The following CENPS variants were observed in gnomAD, a reference collection of about 807,000 sequenced individuals.
CENPS encodes the protein FANCM associated histone fold protein 1.
CENPS carries 16 observed loss-of-function variants against 17.9 expected under a neutral mutation model. The ratio of observed to expected loss-of-function variants is 0.90; its 90% CI spans 0.61 to 1.36. CENPS has a LOEUF of 1.36. Among genes scored for constraint, CENPS ranks in the 40% most tolerant of loss-of-function variants. CENPS has a pLI of 0.00. For synonymous variants in CENPS, 49 were observed against 55.8 expected (o/e 0.88, Z 0.54); for missense variants, 160 against 158.6 (o/e 1.01, Z -0.05).
chr1:10,435,088 G>A (rs1284198766), intron 3 of CENPS, among the ~76,000 whole-genome samples: 1 of 152,186 alleles, frequency 6.6e-6, no homozygotes, highest in Non-Finnish European at 1.5e-5. Context: ...CGTGTCCACG[G>A]TGGTAATTGC....
At chr1:10,436,755 G>T (rs1435546158) in intron 3 of CENPS, among the ~76,000 whole-genome samples, 2 of 150,180 alleles carry the variant, frequency 1.3e-5, no homozygotes, top group Admixed American at 6.6e-5. Flanking sequence ...TTGTGGAAAC[G>T]CTTTGTCTGA....
chr1:10,437,450 T>TA (rs1440706108), intron 3 of CENPS, among the ~76,000 whole-genome samples: 14 of 107,504 alleles, frequency 1.3e-4, no homozygotes, highest in Non-Finnish European at 2.6e-4. Flanking sequence ...GGGCTGTTTT[T>TA]TTTTTGTTTT....
intron 3 of CENPS, among the ~76,000 whole-genome samples, chr1:10,435,058 C>G (rs142941953): frequency 3.9e-5 from 6 of 152,306 alleles, no homozygotes; most frequent in South Asian, 2.1e-4. Flanking sequence ...GTGGCCGCCC[C>G]TCTGCGGAGG....
intron 1 of CENPS, among the ~76,000 whole-genome samples, chr1:10,432,690 CAGA>C (rs917001823): frequency 1.0e-3 from 155 of 152,122 alleles, no homozygotes; most frequent in African/African-American, 3.5e-3. Flanking sequence ...CAAGAGCATT[CAGA>C]AGAATTCATG....
At chr1:10,434,495 T>C (rs771518526) in intron 2 of CENPS, among the ~76,000 whole-genome samples, 162 bp from the exon 3 acceptor site, 1 of 152,204 alleles carries the variant, frequency 6.6e-6, no homozygotes, top group Non-Finnish European at 1.5e-5. Context: ...CAGGCTCTTA[T>C]GGAATGGTGG....
chr1:10,439,749 AAAG>A (rs1295412247), intron 3 of CENPS, among the ~76,000 whole-genome samples: 1 of 152,124 alleles, frequency 6.6e-6, no homozygotes, highest in Non-Finnish European at 1.5e-5. Flanking sequence ...TCAAAAAAAA[AAAG>A]AAGAAAGAAG....
At chr1:10,436,664 C>T (rs1640173029) in intron 3 of CENPS, among the ~76,000 whole-genome samples, 1 of 149,374 alleles carries the variant, frequency 6.7e-6, no homozygotes, top group South Asian at 2.1e-4. Flanking sequence ...CGAGATCGTG[C>T]CCCTTCACTC....
At chr1:10,438,478 C>T (rs1376034557) in intron 3 of CENPS, among the ~76,000 whole-genome samples, 1 of 152,132 alleles carries the variant, frequency 6.6e-6, no homozygotes, top group Non-Finnish European at 1.5e-5. Flanking sequence ...GCTTTGAAAT[C>T]TCTAGTCTCC....
chr1:10,435,745 A>AC (rs1640127568), intron 3 of CENPS, among the ~76,000 whole-genome samples: 5 of 151,478 alleles, frequency 3.3e-5, no homozygotes, highest in Non-Finnish European at 7.4e-5. Context: ...ACATATACAT[A>AC]AATATTTATA....
At chr1:10,438,998 T>C (rs1033100955) in intron 3 of CENPS, among the ~76,000 whole-genome samples, 2 of 152,168 alleles carry the variant, frequency 1.3e-5, no homozygotes, top group Admixed American at 1.3e-4. Flanking sequence ...CTCTGTCTTT[T>C]TTCTCCCCTG....
At chr1:10,436,814 T>C (rs185676582) in intron 3 of CENPS, among the ~76,000 whole-genome samples, 338 of 151,238 alleles carry the variant, frequency 2.2e-3, no homozygotes, top group Admixed American at 4.8e-3. Context: ...GAGTCTGGGG[T>C]GCAGCCAGAG....
At chr1:10,438,393 C>T (rs1409957951) in intron 3 of CENPS, among the ~76,000 whole-genome samples, 12 of 152,216 alleles carry the variant, frequency 7.9e-5, no homozygotes, top group African/African-American at 1.4e-4. Context: ...GATCCACCCA[C>T]CTCGGCCTCC....
chr1:10,439,726 A>AC (rs1246803792), intron 3 of CENPS, among the ~76,000 whole-genome samples: 2 of 151,666 alleles, frequency 1.3e-5, no homozygotes, highest in African/African-American at 2.4e-5. Flanking sequence ...GGGCGACAGA[A>AC]CGAGACTCTG....
intron 1 of CENPS, among the ~76,000 whole-genome samples, chr1:10,433,033 T>C (rs1639991052): frequency 6.6e-6 from 1 of 152,168 alleles, no homozygotes; most frequent in Admixed American, 6.6e-5. Flanking sequence ...TGCCTATGCG[T>C]TGAACACTTG....
intron 1 of CENPS, among the ~76,000 whole-genome samples, chr1:10,433,402 G>A (rs1329308923): frequency 6.6e-6 from 1 of 152,188 alleles, no homozygotes; most frequent in Non-Finnish European, 1.5e-5. Flanking sequence ...GGGGCTTGCA[G>A]CAGAGGGATG....
rs200990277 is a variant in CENPS at position 10,440,397 on chromosome 1, G to T, written c.260G>T (p.Arg87Met). The T allele has an allele frequency of 6.1e-5, 98 of 1,613,942 alleles. No homozygotes were observed. Among genetic ancestry groups the T allele is most frequent in the Non-Finnish European group, 8.0e-5 (94 of 1,180,000 alleles). Residue 87 changes from arginine to methionine, a missense_variant, in exon 4 of 5, where the codon AGG becomes ATG. By Grantham distance (91) the Arg-to-Met change is moderately conservative. Transcript: ENST00000309048. ...ACTGAAGATGTGAAGCTCTTAGCCAGGAGGAGTAATTCACTGGTGAGAGAT... is the reference window on the plus strand; with the variant it reads ...ACTGAAGATGTGAAGCTCTTAGCCATGAGGAGTAATTCACTGGTGAGAGAT... ...INTEDVKLLA[R>M]RSNSLLKYIT...
chr1:10,436,896 A>C (rs1195715332), intron 3 of CENPS, among the ~76,000 whole-genome samples: 1 of 152,088 alleles, frequency 6.6e-6, no homozygotes, highest in African/African-American at 2.4e-5. Flanking sequence ...TCTTGTGTGA[A>C]TTCCAGTTTG....
chr1:10,442,633 C>A lies in CENPS; in HGVS notation c.*228C>A. On this transcript the variant is annotated 3_prime_UTR_variant, in exon 5 of 5. Transcript: ENST00000309048. ...AATACTCCCAGGTCTCACTCCAGAA[C>A]ATAAAAATGGTGTGTGATCAAATGG... 1 of 599,082 alleles carries A rather than the reference C, an allele frequency of 1.7e-6. No individual in the cohort carries two copies. The highest frequency in any genetic ancestry group is 2.4e-6 in the Non-Finnish European group (1 of 416,560). The allele number at this position is 599,082 out of a possible 1,614,324, so 37.1% of individuals were successfully genotyped here. A position where few individuals can be genotyped will look rare whatever the true frequency, so the allele number is the denominator to read the frequency against.
At chr1:10,436,347 T>C (rs2124268510) in intron 3 of CENPS, among the ~76,000 whole-genome samples, 1 of 151,596 alleles carries the variant, frequency 6.6e-6, no homozygotes, top group South Asian at 2.1e-4. Context: ...AGTGTGTGTG[T>C]GTATGTGTGT....
Sources: allele counts gnomAD v4.1 joint callset (sites outside exome capture counted in the v4.1 genomes callset), GRCh38; gene constraint gnomAD v4.1.1; transcripts MANE v1.5; gene names NCBI Gene and HGNC (gene_info 2026-07-23, HGNC 2026-07-21).